The following PFKP variants were observed in gnomAD, a reference collection of about 807,000 sequenced individuals.
PFKP encodes ATP-dependent 6-phosphofructokinase, platelet type.
Under a neutral mutation model 94.3 loss-of-function variants are expected in PFKP, and 101 were observed. The ratio of observed to expected loss-of-function variants is 1.07; its 90% CI spans 0.91 to 1.26. PFKP has a LOEUF of 1.26. Ranked by LOEUF, PFKP falls within the 50% of genes most tolerant of loss-of-function variation. PFKP has a pLI of 0.00. For missense variants in PFKP, 1,145 were observed against 1,103.3 expected (o/e 1.04, Z -0.53); for synonymous variants, 573 against 432.6 (o/e 1.32, Z -4.03).
At chr10:3,105,661 GTTTTCC>G (rs1835470199) in intron 7 of PFKP, among the ~76,000 whole-genome samples, 160 bp downstream of exon 7, 6 of 152,182 alleles carry the variant, frequency 3.9e-5, no homozygotes, top group African/African-American at 1.2e-4. Flanking sequence ...CGTGGGGCAT[GTTTTCC>G]TCTATGAAGG....
In PFKP at chr10:3,086,802, C is replaced by T. The variant is rs1329407928; in HGVS notation, c.186+4341C>T. Reference sequence around the variant, plus strand: ...AGGGTTGTGTTTTTGTGGCGATTGTCGGGTGTCTGATTTTTATTGGTCACT... The same window carrying T: ...AGGGTTGTGTTTTTGTGGCGATTGTTGGGTGTCTGATTTTTATTGGTCACT... On this transcript the variant is annotated intron_variant, in intron 2 of 21. Transcript: ENST00000381125. Among the ~76,000 whole-genome samples, 5 of 152,132 alleles carry T rather than the reference C, an allele frequency of 3.3e-5. No homozygotes were observed. In the South Asian group the frequency reaches 6.2e-4, roughly 19 times the overall value.
chr10:3,129,935 T>A lies in PFKP; in HGVS notation c.1800T>A (p.Ala600=), dbSNP rs775425533. The change falls in exon 17 of 22, where the codon GCT becomes GCA. Residue 600 remains alanine (A), a synonymous_variant. Coordinates refer to ENST00000381125, the MANE Select transcript of PFKP (RefSeq NM_002627.5). ...ACATGGGGGGGCTCGCGGCCGGAGC[T>A]GATGCCGCATACATTTTCGAAGAGC... ...LANMGGLAAG[A]DAAYIFEEPF... is the part of the protein sequence containing the mutation. 6.2e-7 allele frequency: 1 copy of A among 1,607,626 alleles called. No homozygotes were observed. The highest frequency in any genetic ancestry group is 2.2e-5 in the East Asian group (1 of 44,750).
At chr10:3,124,949 G>A (rs927312576) in intron 16 of PFKP, 1 of 505,382 alleles carries the variant, frequency 2.0e-6, no homozygotes, top group African/African-American at 2.1e-5. Context: ...ACGGCCTCCA[G>A]AGCCTCCCTC....
At chr10:3,100,163 G>C (rs1588460259) in intron 3 of PFKP, among the ~76,000 whole-genome samples, 2 of 151,728 alleles carry the variant, frequency 1.3e-5, no homozygotes, top group Admixed American at 1.3e-4. Flanking sequence ...CCTGAGTTGC[G>C]GCCACCTCGT....
At chr10:3,093,909 C>T (rs1834274124) in intron 2 of PFKP, among the ~76,000 whole-genome samples, 1 of 152,200 alleles carries the variant, frequency 6.6e-6, no homozygotes, top group South Asian at 2.1e-4. Flanking sequence ...TCCCAAAGTG[C>T]TGGGATTACA....
At position 3,134,570 on chromosome 10, in the gene PFKP, G is replaced by GC. The variant is rs1323449192; in HGVS notation, c.2113dup (p.Arg705ProfsTer11). The GC allele has an allele frequency of 5.0e-6, 8 of 1,612,250 alleles. No individual in the cohort carries two copies. Among genetic ancestry groups the GC allele is most frequent in the African/African-American group, 1.3e-5 (1 of 74,916 alleles). On this transcript the variant is annotated frameshift_variant, in exon 20 of 22. Transcript: ENST00000381125. LOFTEE classifies it high-confidence loss of function. ...GTGGATCACTGCAAAACTCAAGGAG[G>GC]CCCGGGGCAGAGGTAAGGGGTCTGG...
At chr10:3,104,236 T>TG (rs1835316632) in intron 5 of PFKP, among the ~76,000 whole-genome samples, 1 of 151,738 alleles carries the variant, frequency 6.6e-6, no homozygotes, top group Non-Finnish European at 1.5e-5. Context: ...CCAGAAGGAG[T>TG]GGCAAGCAGG....
At chr10:3,113,607 C>T (rs561270279) in intron 13 of PFKP, 89 bp downstream of exon 13, 5 of 1,056,944 alleles carry the variant, frequency 4.7e-6, no homozygotes, top group South Asian at 1.5e-5. Flanking sequence ...CCATGGCCCT[C>T]ATACCTTTTC....
chr10:3,096,777 T>A (rs952598008), intron 2 of PFKP, among the ~76,000 whole-genome samples: 6 of 151,728 alleles, frequency 4.0e-5, no homozygotes, highest in Admixed American at 6.6e-5. Flanking sequence ...TGAAGCATAA[T>A]TCTTAGCAGA....
At chr10:3,115,657 G>C (rs1298832306) in intron 13 of PFKP, among the ~76,000 whole-genome samples, 1 of 152,132 alleles carries the variant, frequency 6.6e-6, no homozygotes, top group African/African-American at 2.4e-5. Context: ...TCTTCAGGAG[G>C]GTTTGGCTGA....
intron 2 of PFKP, among the ~76,000 whole-genome samples, chr10:3,088,867 A>G (rs1228762522): frequency 2.0e-5 from 3 of 151,528 alleles, no homozygotes; most frequent in Non-Finnish European, 4.4e-5. Flanking sequence ...TCTCTATGAG[A>G]TCAACTCTGT....
chr10:3,098,012 A>C (rs1282320555), intron 2 of PFKP, among the ~76,000 whole-genome samples: 2 of 149,472 alleles, frequency 1.3e-5, no homozygotes, highest in African/African-American at 5.1e-5. Context: ...CTGTCTCAAA[A>C]ATAAAATAAA....
chr10:3,088,231 T>A (rs902757115), intron 2 of PFKP, among the ~76,000 whole-genome samples: 1 of 146,380 alleles, frequency 6.8e-6, no homozygotes, highest in African/African-American at 2.5e-5. Flanking sequence ...CACCTATGAG[T>A]GAGAACATGT....
At chr10:3,133,100 G>C (rs778674829) in intron 18 of PFKP, 103 bp from the exon 19 acceptor site, 14 of 793,974 alleles carry the variant, frequency 1.8e-5, no homozygotes, top group Non-Finnish European at 3.1e-5. Flanking sequence ...TCACCATAGG[G>C]TTGGGGGATG....
At chr10:3,133,094 C>T (rs1564358940) in intron 18 of PFKP, 109 bp from the exon 19 acceptor site, 7 of 773,802 alleles carry the variant, frequency 9.0e-6, no homozygotes, top group Non-Finnish European at 1.6e-5. Context: ...GTAGAATCAC[C>T]ATAGGGTTGG....
In PFKP at chr10:3,104,801, G is replaced by C. The variant is rs540250511; in HGVS notation, c.621-314G>C. ...CCCAATAGAGAAGGTATCTGGGAAA[G>C]AGCCCAGCACGGGGCCGGGGAGTGT... On this transcript the variant is annotated intron_variant, in intron 5 of 21. Coordinates refer to ENST00000381125, the MANE Select transcript of PFKP (RefSeq NM_002627.5). 8.3e-4 allele frequency: 367 copies of C among 441,260 alleles called. 4 individuals carry two copies. In the South Asian group the frequency reaches 9.5e-3, roughly 11 times the overall value. 27.3% of individuals were successfully genotyped at this position (441,260 alleles called of 1,614,324 possible).
In PFKP at chr10:3,082,432, G is replaced by T. The variant is rs531648605; in HGVS notation, c.157G>T (p.Val53Leu). 10 of 1,608,060 alleles carry T rather than the reference G, an allele frequency of 6.2e-6. No homozygotes were observed. Among genetic ancestry groups the T allele is most frequent in the African/African-American group, 1.3e-5 (1 of 74,846 alleles). The change falls in exon 2 of 22, where the codon GTG becomes TTG. Residue 53 changes from valine to leucine, a missense_variant. Physicochemically the swap from Val to Leu is conservative, Grantham distance 32. This residue lies in a region of PFKP where 1,119 missense variants were observed against 1,062.8 expected (regional missense o/e 1.05). Coordinates refer to ENST00000381125, the MANE Select transcript of PFKP (RefSeq NM_002627.5). ...TGCCGTGGTGCGCATGGGTATCTAC[G>T]TGGGGGCCAAGGTGTACTTCATCTA... ...VRAVVRMGIY[V>L]GAKVYFIYEG...
chr10:3,095,412 A>T (rs1268725479), intron 2 of PFKP, among the ~76,000 whole-genome samples: 2 of 152,258 alleles, frequency 1.3e-5, no homozygotes, highest in Non-Finnish European at 2.9e-5. Flanking sequence ...AAATGACTTC[A>T]GAGCCTGTGG....
At chr10:3,101,113 G>C in intron 3 of PFKP, 1 of 900,184 alleles carries the variant, frequency 1.1e-6, no homozygotes, top group Admixed American at 1.9e-5. Flanking sequence ...TTAACTGCTG[G>C]CTGCCGTGTG....
Sources: gnomAD v4.1 joint callset for allele counts (sites outside exome capture counted in the v4.1 genomes callset) on GRCh38, gnomAD v4.1.1 for gene constraint, gnomAD v4.1.1 regional missense constraint, MANE v1.5 for transcripts, NCBI Gene and HGNC (gene_info 2026-07-23, HGNC 2026-07-21) for gene names.